Variants in CAB39 observed in about 807,000 individuals in gnomAD.
The protein encoded by CAB39 is calcium-binding protein 39.
CAB39 carries 8 observed loss-of-function variants against 40.0 expected under a neutral mutation model. That is an observed-to-expected ratio of 0.20 (90% CI 0.12 to 0.36). The LOEUF (loss-of-function observed/expected upper bound fraction) is 0.36, where lower values mean the gene tolerates loss of function less well. Among genes scored for constraint, CAB39 ranks in the 10% least tolerant of loss-of-function variants. The pLI is 1.00. For missense variants in CAB39, 270 were observed against 401.1 expected (o/e 0.67, Z 2.79); for synonymous variants, 156 against 141.6 (o/e 1.10, Z -0.72).
At chr2:230,713,469 G>A (rs1205344507) in intron 1 of CAB39, 1 of 152,408 alleles carries the variant, frequency 6.6e-6, no homozygotes, top group Non-Finnish European at 1.5e-5. Flanking sequence ...GGGCGCCCGG[G>A]GGCCTGCAGT....
At chr2:230,747,298 G>A (rs1694993161) in intron 1 of CAB39, among the ~76,000 whole-genome samples, 1 of 152,250 alleles carries the variant, frequency 6.6e-6, no homozygotes, top group South Asian at 2.1e-4. Context: ...CATTTCTGAG[G>A]AGGGGTTACC....
rs754679705 is a variant in CAB39, at chr2:230,798,820, G to A, written c.490G>A (p.Glu164Lys). 1 of 1,610,832 alleles carries A rather than the reference G, an allele frequency of 6.2e-7. No homozygotes were observed. The highest frequency in any genetic ancestry group is 8.5e-7 in the Non-Finnish European group (1 of 1,178,296). Reference protein sequence around the residue: ...EPLAKIILWSEQFYDFFRYVE... With the variant: ...EPLAKIILWSKQFYDFFRYVE... ...ACTTGCAAAAATCATTTTGTGGTCG[G>A]AACAGTTTTATGATTTCTTCAGATA... Residue 164 changes from glutamate (E) to lysine (K), a missense_variant, in exon 5 of 9, where the codon GAA becomes AAA. Physicochemically the swap from Glu to Lys is moderately conservative, Grantham distance 56 (BLOSUM62 1). Coordinates refer to ENST00000258418, the MANE Select transcript of CAB39 (RefSeq NM_016289.4).
chr2:230,721,478 A>G (rs1046306124), intron 1 of CAB39, among the ~76,000 whole-genome samples: 1 of 152,208 alleles, frequency 6.6e-6, no homozygotes, highest in African/African-American at 2.4e-5. Context: ...TGAAATACTT[A>G]ACCAAAATAC....
chr2:230,772,314 T>A (rs1695495874), intron 2 of CAB39, among the ~76,000 whole-genome samples: 1 of 152,192 alleles, frequency 6.6e-6, no homozygotes, highest in South Asian at 2.1e-4. Context: ...TGAAAAGATG[T>A]TAATCATTAG....
chr2:230,725,028 G>A (rs929174373), intron 1 of CAB39: 42 of 1,276,536 alleles, frequency 3.3e-5, no homozygotes, highest in Admixed American at 5.8e-5. Context: ...CCCGGAGTAC[G>A]TCGGAGGTGA....
chr2:230,725,200 G>A (rs1051636903), intron 1 of CAB39: 72 of 1,605,838 alleles, frequency 4.5e-5, no homozygotes, highest in South Asian at 2.5e-4. Flanking sequence ...TGGCGCTGGC[G>A]CCACAAGTGT....
intron 2 of CAB39, among the ~76,000 whole-genome samples, chr2:230,771,192 A>T (rs1309341883): frequency 1.3e-5 from 2 of 152,214 alleles, no homozygotes; most frequent in Non-Finnish European, 2.9e-5. Flanking sequence ...AGCGAGTCAC[A>T]GGTTATAAGG....
At chr2:230,768,363 C>T (rs1282487008) in intron 2 of CAB39, among the ~76,000 whole-genome samples, 1 of 152,162 alleles carries the variant, frequency 6.6e-6, no homozygotes, top group Non-Finnish European at 1.5e-5. Flanking sequence ...GAGATATTTA[C>T]TGGTGGTCCT....
chr2:230,814,964 C>T (rs1696374701), intron 7 of CAB39, among the ~76,000 whole-genome samples: 1 of 152,160 alleles, frequency 6.6e-6, no homozygotes, highest in African/African-American at 2.4e-5. Flanking sequence ...TTGACTCTGC[C>T]CAGAGTTCTT....
At position 230,793,203 on chromosome 2, in the gene CAB39, T is replaced by C. The variant is rs1458931505; in HGVS notation, c.280-10T>C. The C allele has an allele frequency of 6.5e-7, 1 of 1,528,326 alleles. No homozygotes were observed. The highest frequency in any genetic ancestry group is 1.1e-5 in the South Asian group (1 of 87,914). 94.7% of individuals were successfully genotyped at this position (1,528,326 alleles called of 1,614,324 possible). ...TCAGGAAAATGTGTTAATGATTGTA[T>C]TCCTAATAGGGCAAAAAAGACGTGG... is the stretch of plus-strand genomic sequence containing the variant. On this transcript the variant is annotated splice_polypyrimidine_tract_variant and intron_variant, in intron 3 of 8. Coordinates refer to ENST00000258418, the MANE Select transcript of CAB39 (RefSeq NM_016289.4).
chr2:230,793,705 C>T (rs993696691), intron 4 of CAB39, among the ~76,000 whole-genome samples: 1 of 152,172 alleles, frequency 6.6e-6, no homozygotes, highest in African/African-American at 2.4e-5. Context: ...ATAATACGCA[C>T]GCTGTAAGGC....
intron 7 of CAB39, among the ~76,000 whole-genome samples, chr2:230,816,101 C>G (rs1032450675): frequency 6.6e-6 from 1 of 152,094 alleles, no homozygotes; most frequent in South Asian, 2.1e-4. Context: ...TGGTGAAACC[C>G]TGTCTCTAGC....
intron 2 of CAB39, among the ~76,000 whole-genome samples, chr2:230,782,045 T>C (rs540493880): frequency 5.9e-5 from 9 of 152,194 alleles, no homozygotes; most frequent in Admixed American, 1.3e-4. Flanking sequence ...TTGCATTTTT[T>C]AGTAGAGACG....
intron 1 of CAB39, chr2:230,725,053 A>G (rs528962441): frequency 1.8e-4 from 257 of 1,458,816 alleles, no homozygotes; most frequent in East Asian, 3.2e-4. Context: ...AACAATAGCA[A>G]TCTTTTCCTT....
chr2:230,777,364 T>G (rs895477194), intron 2 of CAB39, among the ~76,000 whole-genome samples: 28 of 136,544 alleles, frequency 2.1e-4, no homozygotes, highest in African/African-American at 5.3e-4. Flanking sequence ...TTTTTTTTGT[T>G]TTTTTTTTTT....
intron 1 of CAB39, among the ~76,000 whole-genome samples, chr2:230,745,489 T>C (rs1304565631): frequency 6.6e-6 from 1 of 152,260 alleles, no homozygotes; most frequent in African/African-American, 2.4e-5. Flanking sequence ...TGGTTGGGAC[T>C]GGGAGGTACT....
chr2:230,786,022 G>C (rs952261702), intron 2 of CAB39, among the ~76,000 whole-genome samples: 2 of 151,582 alleles, frequency 1.3e-5, no homozygotes, highest in African/African-American at 4.8e-5. Flanking sequence ...AAATTAGCCG[G>C]GTGTTGTGGC....
rs558354549 is a variant in CAB39 at position 230,777,319 on chromosome 2, A to G, written c.115-13553A>G. On this transcript the variant is annotated intron_variant, in intron 2 of 8. Transcript: ENST00000258418. ...TCTCTCTGGGGCAGATAAGTAAATG[A>G]GTATGGGGTCATGCTGCTCTGTAAC... 8.1e-4 allele frequency among the ~76,000 whole-genome samples: 121 copies of G among 148,972 alleles called. 1 individual carries two copies. The highest frequency in any genetic ancestry group is 7.1e-3 in the Middle Eastern group (2 of 282).
chr2:230,721,609 C>T lies in CAB39; in HGVS notation c.-44+8379C>T, dbSNP rs189064613. Among the ~76,000 whole-genome samples, 65 of 152,248 alleles carry T rather than the reference C, an allele frequency of 4.3e-4. 1 individual carries two copies. The highest frequency in any genetic ancestry group is 3.2e-3 in the Admixed American group (49 of 15,300). On this transcript the variant is annotated intron_variant, in intron 1 of 8. Transcript: ENST00000258418. ...TTCGCAGATAAGTTCCACGTAAAGC[C>T]GTGTTTCCCAAATTGTGTTTTGTAG...
Sources: gnomAD v4.1 joint callset for allele counts (sites outside exome capture counted in the v4.1 genomes callset) on GRCh38, gnomAD v4.1.1 for gene constraint, MANE v1.5 for transcripts, NCBI Gene and HGNC (gene_info 2026-07-23, HGNC 2026-07-21) for gene names.